Variants in LARGE1 observed in about 807,000 individuals in gnomAD.
LARGE1 encodes xylosyl- and glucuronyltransferase LARGE1.
LARGE1 carries 43 observed loss-of-function variants against 87.6 expected under a neutral mutation model. That is an observed-to-expected ratio of 0.49 (90% confidence interval 0.38 to 0.63). The LOEUF is 0.63. LARGE1 is among the 30% of genes least tolerant of loss of function. The pLI is 0.00. For missense variants in LARGE1, 802 were observed against 1,000.2 expected, an observed-to-expected ratio of 0.80 and a Z score of 2.67; for synonymous variants, 434 against 394.6, an observed-to-expected ratio of 1.10 and a Z score of -1.18.
chr22:33,129,015 G>A, the LARGE1 span, among the ~76,000 whole-genome samples: 1 of 152,214 alleles, frequency 6.6e-6, no homozygotes, highest in Admixed American at 6.5e-5. Context: ...GATAGGTGCA[G>A]CAAATCACCA....
intron 11 of LARGE1, among the ~76,000 whole-genome samples, chr22:33,244,156 T>A (rs1425664851): frequency 2.0e-5 from 2 of 101,494 alleles, no homozygotes; most frequent in Admixed American, 2.0e-4. Context: ...GCCCAGCTAA[T>A]TTTTTTTTTT....
At chr22:33,481,944 G>A (rs539224989) in intron 6 of LARGE1, among the ~76,000 whole-genome samples, 1 of 152,272 alleles carries the variant, frequency 6.6e-6, no homozygotes, top group Non-Finnish European at 1.5e-5. Context: ...CTGCATTAGA[G>A]TTTCCTTCTT....
intron 5 of LARGE1, among the ~76,000 whole-genome samples, chr22:33,597,696 C>G (rs1305854689): frequency 6.6e-6 from 1 of 152,124 alleles, no homozygotes; most frequent in Admixed American, 6.5e-5. Flanking sequence ...TTAGGGCTCC[C>G]AGCTAGACAG....
chr22:33,714,007 A>G (rs1012637549), intron 2 of LARGE1, among the ~76,000 whole-genome samples: 1 of 151,850 alleles, frequency 6.6e-6, no homozygotes, highest in African/African-American at 2.4e-5. Flanking sequence ...ATAACATAAC[A>G]TAACATAACA....
At chr22:33,590,294 T>C (rs548847834) in intron 5 of LARGE1, among the ~76,000 whole-genome samples, 1 of 152,334 alleles carries the variant, frequency 6.6e-6, no homozygotes, top group South Asian at 2.1e-4. Context: ...TCACACCATA[T>C]TGCTATTTAA....
chr22:33,526,960 A>T (rs1472594056), intron 6 of LARGE1, among the ~76,000 whole-genome samples: 1 of 152,204 alleles, frequency 6.6e-6, no homozygotes, highest in Admixed American at 6.5e-5. Flanking sequence ...GGAGTTGCTT[A>T]AAAATGGAAA....
At chr22:33,560,586 A>G (rs1273943866) in intron 6 of LARGE1, among the ~76,000 whole-genome samples, 1 of 152,158 alleles carries the variant, frequency 6.6e-6, no homozygotes, top group Non-Finnish European at 1.5e-5. Context: ...TCCCCAAATG[A>G]CAACAATCAC....
the LARGE1 span, among the ~76,000 whole-genome samples, chr22:33,151,520 C>T: frequency 1.3e-5 from 2 of 152,138 alleles, no homozygotes; most frequent in East Asian, 1.9e-4. Context: ...TTTTCCTGCT[C>T]TTAACAAAAT....
chr22:33,494,930 T>A (rs1336585080), intron 6 of LARGE1, among the ~76,000 whole-genome samples: 1 of 152,194 alleles, frequency 6.6e-6, no homozygotes, highest in Non-Finnish European at 1.5e-5. Context: ...TGGCGCTGCC[T>A]CTATGCAGAT....
the LARGE1 span, among the ~76,000 whole-genome samples, chr22:33,129,116 T>C: frequency 2.6e-5 from 4 of 152,370 alleles, no homozygotes; most frequent in Admixed American, 1.3e-4. Context: ...TTGCTTTTAA[T>C]TGATATTTTC....
intron 1 of LARGE1, among the ~76,000 whole-genome samples, chr22:33,779,870 C>T (rs577070808): frequency 2.6e-5 from 4 of 152,126 alleles, no homozygotes; most frequent in Non-Finnish European, 4.4e-5. Flanking sequence ...TCTCCTAATT[C>T]TACTTTCATG....
At chr22:33,729,005 C>G (rs1483240757) in intron 2 of LARGE1, among the ~76,000 whole-genome samples, 1 of 152,090 alleles carries the variant, frequency 6.6e-6, no homozygotes, top group Non-Finnish European at 1.5e-5. Flanking sequence ...AAAAGGCATT[C>G]TTGGAATGAG....
intron 12 of LARGE1, among the ~76,000 whole-genome samples, chr22:33,289,701 C>A (rs1471275189): frequency 6.6e-6 from 1 of 152,070 alleles, no homozygotes; most frequent in Non-Finnish European, 1.5e-5. Flanking sequence ...CCCTCTGAGT[C>A]CCTCTTTGTA....
At chr22:33,376,445 G>A (rs987958900) in intron 9 of LARGE1, among the ~76,000 whole-genome samples, 5 of 152,232 alleles carry the variant, frequency 3.3e-5, no homozygotes, top group South Asian at 2.1e-4. Context: ...AATAAGTCTC[G>A]TGCCTGATGT....
intron 2 of LARGE1, among the ~76,000 whole-genome samples, chr22:33,755,352 T>C (rs1031589795): frequency 3.9e-5 from 6 of 152,176 alleles, no homozygotes; most frequent in African/African-American, 1.4e-4. Context: ...AACACCCACA[T>C]TGTCCCGGAC....
chr22:33,799,860 C>A (rs2086105520), intron 1 of LARGE1, among the ~76,000 whole-genome samples: 1 of 152,072 alleles, frequency 6.6e-6, no homozygotes, highest in Non-Finnish European at 1.5e-5. Context: ...AAATACAGAC[C>A]TCTCCATAGA....
intron 11 of LARGE1, among the ~76,000 whole-genome samples, chr22:33,193,424 G>A (rs552653008): frequency 6.6e-6 from 1 of 152,280 alleles, no homozygotes; most frequent in South Asian, 2.1e-4. Context: ...TGAGTAGAGT[G>A]ATAAAGAAAG....
At chr22:33,333,100 G>A (rs968127327) in intron 10 of LARGE1, among the ~76,000 whole-genome samples, 13 of 149,762 alleles carry the variant, frequency 8.7e-5, no homozygotes, top group Non-Finnish European at 1.3e-4. Context: ...TCTGCCTCCC[G>A]GGTTCATGCC....
the LARGE1 span, among the ~76,000 whole-genome samples, chr22:33,122,259 C>G: frequency 6.6e-5 from 10 of 152,288 alleles, no homozygotes; most frequent in South Asian, 1.2e-3. Flanking sequence ...GCCTCACCCC[C>G]CTCCACACAG....
Sources: gnomAD v4.1 joint callset for allele counts (sites outside exome capture counted in the v4.1 genomes callset) on GRCh38, gnomAD v4.1.1 for gene constraint, MANE v1.5 for transcripts, NCBI Gene and HGNC (gene_info 2026-07-23, HGNC 2026-07-21) for gene names.